MARCHF1: variants seen among roughly 807,000 people sequenced by gnomAD.
MARCHF1 encodes E3 ubiquitin-protein ligase MARCHF1.
In MARCHF1, 40 loss-of-function variants were observed where a neutral mutation model predicts 54.2. The ratio of observed to expected loss-of-function variants is 0.74; its 90% CI spans 0.57 to 0.96. MARCHF1 has a LOEUF of 0.96. Ranked by LOEUF, MARCHF1 falls within the 40% of genes least tolerant of loss-of-function variation. MARCHF1 has a pLI of 0.00. For missense variants in MARCHF1, 586 were observed against 656.5 expected (o/e 0.89, Z 1.17); for synonymous variants, 236 against 236.3 (o/e 1.00, Z 0.01).
chr4:163,961,693 A>G (rs1373101023), intron 3 of MARCHF1, among the ~76,000 whole-genome samples: 6 of 151,920 alleles, frequency 3.9e-5, no homozygotes, highest in Admixed American at 3.9e-4. Context: ...TGCCTTTGAT[A>G]TTCTCTGATC....
intron 1 of MARCHF1, among the ~76,000 whole-genome samples, chr4:164,208,854 T>C (rs1579624845): frequency 6.6e-6 from 1 of 151,848 alleles, no homozygotes; most frequent in East Asian, 1.9e-4. Context: ...GAGGCTGAGG[T>C]GGAAGAAACA....
At chr4:164,002,725 A>G (rs1753210133) in intron 2 of MARCHF1, among the ~76,000 whole-genome samples, 2 of 151,880 alleles carry the variant, frequency 1.3e-5, no homozygotes, top group African/African-American at 4.8e-5. Context: ...CAAATCCCAA[A>G]CTTAAGAAAC....
intron 3 of MARCHF1, among the ~76,000 whole-genome samples, chr4:163,867,540 T>G (rs1480962163): frequency 6.6e-6 from 1 of 151,694 alleles, no homozygotes; most frequent in Non-Finnish European, 1.5e-5. Flanking sequence ...AGAAATATAA[T>G]GAATATGCCA....
intron 4 of MARCHF1, among the ~76,000 whole-genome samples, chr4:163,721,864 C>T (rs1170707922): frequency 2.0e-5 from 3 of 151,998 alleles, no homozygotes; most frequent in Non-Finnish European, 2.9e-5. Flanking sequence ...TTCTGTGGGA[C>T]CGGTGGTGAC....
chr4:164,205,100 ATTCTT>A (rs1427791061), intron 1 of MARCHF1, among the ~76,000 whole-genome samples: 1 of 152,108 alleles, frequency 6.6e-6, no homozygotes, highest in East Asian at 1.9e-4. Context: ...TAAATCTACT[ATTCTT>A]ATTTTAATCC....
At chr4:164,182,367 T>C (rs1428773610) in intron 1 of MARCHF1, among the ~76,000 whole-genome samples, 1 of 151,992 alleles carries the variant, frequency 6.6e-6, no homozygotes, top group Non-Finnish European at 1.5e-5. Flanking sequence ...TTGACCTTGT[T>C]AAGGTCAAAA....
chr4:163,746,216 T>G (rs1309090832), intron 4 of MARCHF1, among the ~76,000 whole-genome samples: 3 of 152,232 alleles, frequency 2.0e-5, no homozygotes, highest in Non-Finnish European at 4.4e-5. Context: ...TTCACTTTTA[T>G]CTAGTTTTGC....
chr4:164,126,428 T>C (rs1300413820), intron 1 of MARCHF1, among the ~76,000 whole-genome samples: 3 of 152,186 alleles, frequency 2.0e-5, no homozygotes, highest in Non-Finnish European at 4.4e-5. Flanking sequence ...TTCCTTTTGT[T>C]GATAAGTCAC....
intron 5 of MARCHF1, among the ~76,000 whole-genome samples, chr4:163,659,844 A>T (rs1743282847): frequency 6.6e-6 from 1 of 152,166 alleles, no homozygotes; most frequent in Non-Finnish European, 1.5e-5. Context: ...TCAAAAGCAC[A>T]ATGAGATACC....
chr4:164,077,760 G>T (rs1333677900), intron 2 of MARCHF1, among the ~76,000 whole-genome samples: 1 of 152,180 alleles, frequency 6.6e-6, no homozygotes, highest in African/African-American at 2.4e-5. Context: ...CATTTATGCG[G>T]CAAACAAACA....
chr4:163,768,003 T>A (rs774435953), intron 4 of MARCHF1, among the ~76,000 whole-genome samples: 13 of 152,186 alleles, frequency 8.5e-5, no homozygotes, highest in Non-Finnish European at 1.6e-4. Context: ...TGTACAGAGA[T>A]GGCCAAGTTT....
chr4:163,788,272 G>A (rs757509981), intron 4 of MARCHF1, among the ~76,000 whole-genome samples: 1 of 151,794 alleles, frequency 6.6e-6, no homozygotes, highest in Non-Finnish European at 1.5e-5. Flanking sequence ...ACTAATTTTA[G>A]GTTTATAGAA....
At chr4:164,276,179 AC>A (rs1289889962) in intron 1 of MARCHF1, among the ~76,000 whole-genome samples, 1 of 152,112 alleles carries the variant, frequency 6.6e-6, no homozygotes, top group Non-Finnish European at 1.5e-5. Flanking sequence ...GAATTTGGTA[AC>A]CCTTAAATTA....
At chr4:163,725,591 A>T (rs1420126616) in intron 4 of MARCHF1, among the ~76,000 whole-genome samples, 6 of 152,262 alleles carry the variant, frequency 3.9e-5, no homozygotes, top group Non-Finnish European at 7.3e-5. Context: ...TACATTTTCC[A>T]TTCAATAAGT....
intron 5 of MARCHF1, among the ~76,000 whole-genome samples, chr4:163,671,833 T>C (rs923224657): frequency 6.6e-6 from 1 of 152,022 alleles, no homozygotes; most frequent in African/African-American, 2.4e-5. Context: ...CGAAAGGTAC[T>C]ATTTTTTTTC....
chr4:164,228,470 T>C (rs1732318275), intron 1 of MARCHF1, among the ~76,000 whole-genome samples: 1 of 152,222 alleles, frequency 6.6e-6, no homozygotes, highest in African/African-American at 2.4e-5. Flanking sequence ...TTAATCTGCA[T>C]GTGGAACCCT....
At chr4:163,591,229 A>G (rs902580547) in intron 7 of MARCHF1, among the ~76,000 whole-genome samples, 7 of 151,998 alleles carry the variant, frequency 4.6e-5, no homozygotes, top group Non-Finnish European at 1.0e-4. Flanking sequence ...TGCATTCTCT[A>G]TATTAAAGTC....
At position 163,663,679 on chromosome 4, in the gene MARCHF1, G is replaced by A. The variant is rs190587449; in HGVS notation, c.162+37134C>T. On this transcript the variant is annotated intron_variant, in intron 5 of 9. Coordinates refer to ENST00000514618, the MANE Select transcript of MARCHF1 (RefSeq NM_001394959.1). ...GGGCTAAGGCCACGTCTCTCCTGGC[G>A]CGGTGCTCTCTCCAACATGCTGTGT... is the stretch of plus-strand genomic sequence containing the variant. Among the ~76,000 whole-genome samples, 493 of 152,116 alleles carry A rather than the reference G, an allele frequency of 3.2e-3. 6 individuals are homozygous for A. The highest frequency in any genetic ancestry group is 0.01 in the Middle Eastern group (3 of 294).
chr4:163,543,098 G>C (rs1406412137), intron 9 of MARCHF1, among the ~76,000 whole-genome samples: 1 of 152,182 alleles, frequency 6.6e-6, no homozygotes, highest in Admixed American at 6.5e-5. Flanking sequence ...TAGTCCCACT[G>C]AGGAATTTCG....
Sources: gnomAD v4.1 joint callset for allele counts (sites outside exome capture counted in the v4.1 genomes callset) on GRCh38, gnomAD v4.1.1 for gene constraint, MANE v1.5 for transcripts, NCBI Gene and HGNC (gene_info 2026-07-23, HGNC 2026-07-21) for gene names.